Variants in IKBKE observed in about 807,000 individuals in gnomAD.
IKBKE encodes the protein inhibitor of nuclear factor kappa-B kinase subunit epsilon.
A neutral mutation model predicts 92.1 loss-of-function variants in IKBKE; 45 were observed. The ratio of observed to expected loss-of-function variants is 0.49; its 90% CI spans 0.38 to 0.63. The LOEUF is 0.63. IKBKE is among the 20% of genes least tolerant of loss of function. IKBKE has a pLI of 0.00. For missense variants in IKBKE, 700 were observed against 932.8 expected (o/e 0.75, Z 3.25); for synonymous variants, 374 against 380.3 (o/e 0.98, Z 0.19).
At position 206,478,287 on chromosome 1, in the gene IKBKE, T is replaced by C; in HGVS notation, c.940T>C (p.Phe314Leu). The C allele has an allele frequency of 6.2e-7, 1 of 1,614,124 alleles. No individual in the cohort carries two copies. The highest frequency in any genetic ancestry group is 8.5e-7 in the Non-Finnish European group (1 of 1,180,042). The change falls in exon 9 of 22, where the codon TTC becomes CTC. Residue 314 changes from phenylalanine to leucine, a missense_variant. Transcript: ENST00000581977. This position sits in a 1 kb window ranked among gnomAD's most constrained non-coding sequence, Gnocchi z 4.8. ...DILQRVVVHV[F>L]SLSQAVLHHI... ...CCTGCAGCGAGTTGTCGTCCATGTC[T>C]TCTCCCTGTCCCAGGCAGTCCTGCA...
chr1:206,476,323 T>C lies in IKBKE; in HGVS notation c.501T>C (p.Asp167=). 4.3e-6 allele frequency: 7 copies of C among 1,613,368 alleles called. No homozygotes were observed. The highest frequency in any genetic ancestry group is 1.1e-5 in the South Asian group (1 of 91,060). ...GCGCTGCCCGGGAGCTGGATGATGA[T>C]GAGAAGTTCGTCTCGGTCTATGGGA... ...DFGAARELDD[D]EKFVSVYGTE... The change falls in exon 6 of 22, where the codon GAT becomes GAC. Residue 167 remains aspartate (D), a synonymous_variant. Coordinates refer to ENST00000581977, the MANE Select transcript of IKBKE (RefSeq NM_014002.4). This position sits in a 1 kb window ranked among gnomAD's most constrained non-coding sequence, Gnocchi z 5.1.
Position 206,478,724 on chromosome 1 carries a change from T to A in IKBKE, c.993-219T>A, listed in dbSNP as rs1405640578. Reference sequence around the variant, plus strand: ...AGAGGCAAAGGCTGGGTATTAGGACTCCTGGGACCTGTTCCCACTCTGTCT... The same window carrying A: ...AGAGGCAAAGGCTGGGTATTAGGACACCTGGGACCTGTTCCCACTCTGTCT... On this transcript the variant is annotated intron_variant, in intron 9 of 21. Transcript: ENST00000581977. This position sits in a 1 kb window ranked among gnomAD's most constrained non-coding sequence, Gnocchi z 4.8. Among the ~76,000 whole-genome samples, 1 of 152,158 alleles carries A rather than the reference T, an allele frequency of 6.6e-6. No individual in the cohort carries two copies. The highest frequency in any genetic ancestry group is 1.5e-5 in the Non-Finnish European group (1 of 68,018).
intron 5 of IKBKE, chr1:206,475,242 A>C (rs1283871375): frequency 1.6e-5 from 8 of 490,830 alleles, no homozygotes; most frequent in Non-Finnish European, 2.8e-5. Flanking sequence ...ATTCAGTCTT[A>C]AAAGGAAAGA....
rs11117996 is a variant in IKBKE, at chr1:206,479,666, G to T, written c.1184-204G>T. 8.3e-3 allele frequency among the ~76,000 whole-genome samples: 1,271 copies of T among 152,346 alleles called. 17 individuals are homozygous for T. Among genetic ancestry groups the T allele is most frequent in the African/African-American group, 0.028 (1,176 of 41,576 alleles). ...TTCAGCTCTTGGACATGAGGAGGTA[G>T]TTCTCAAAAGTGGCCGCAAGGTGGC... On this transcript the variant is annotated intron_variant, in intron 10 of 21. Coordinates refer to ENST00000581977, the MANE Select transcript of IKBKE (RefSeq NM_014002.4).
Position 206,493,452 on chromosome 1 carries a change from G to A in IKBKE, c.2045+74G>A, listed in dbSNP as rs965150090. The A allele has an allele frequency of 1.7e-5, 19 of 1,149,508 alleles. 1 individual carries two copies. In the African/African-American group the frequency reaches 2.8e-4, roughly 17 times the overall value. The allele number at this position is 1,149,508 out of a possible 1,614,324, so 71.2% of individuals were successfully genotyped here. A position where few individuals can be genotyped will look rare whatever the true frequency, so the allele number is the denominator to read the frequency against. On this transcript the variant is annotated intron_variant, in intron 20 of 21. Transcript: ENST00000581977. The stretch of plus-strand genomic sequence containing the variant: ...CAGGGAGCAGAGTATGCTGAGGTTA[G>A]AGCCTGAGGGGTTTGGCGTCATGCC...
rs1407067666 is a variant in IKBKE at position 206,478,421 on chromosome 1, G to A, written c.992+82G>A. On this transcript the variant is annotated intron_variant, in intron 9 of 21. Coordinates refer to ENST00000581977, the MANE Select transcript of IKBKE (RefSeq NM_014002.4). This position sits in a 1 kb window ranked among gnomAD's most constrained non-coding sequence, Gnocchi z 4.8. Reference sequence around the variant, plus strand: ...CATGTCCAAAGCAGCATCTCCCACAGTACGTTCTGAGGAGTGTGTACATAG... The same window carrying A: ...CATGTCCAAAGCAGCATCTCCCACAATACGTTCTGAGGAGTGTGTACATAG... 7 of 1,388,694 alleles carry A rather than the reference G, an allele frequency of 5.0e-6. No individual in the cohort carries two copies. Among genetic ancestry groups the A allele is most frequent in the Non-Finnish European group, 7.0e-6 (7 of 994,004 alleles). The allele number at this position is 1,388,694 out of a possible 1,614,324, so 86.0% of individuals were successfully genotyped here. A position where few individuals can be genotyped will look rare whatever the true frequency, so the allele number is the denominator to read the frequency against.
rs782163104 is a variant in IKBKE, at chr1:206,478,317, A to G, written c.970A>G (p.Ile324Val). 6 of 1,613,682 alleles carry G rather than the reference A, an allele frequency of 3.7e-6. No individual in the cohort carries two copies. The highest frequency in any genetic ancestry group is 3.3e-5 in the South Asian group (3 of 91,086). Residue 324 changes from isoleucine to valine, a missense_variant, in exon 9 of 22, where the codon ATC (isoleucine) becomes GTC (valine). Physicochemically the swap from Ile to Val is conservative, Grantham distance 29 (BLOSUM62 3). Coordinates refer to ENST00000581977, the MANE Select transcript of IKBKE (RefSeq NM_014002.4). The surrounding 1 kb of genome is among the most constrained non-coding windows in gnomAD (Gnocchi z 4.8). Reference sequence around the variant, plus strand: ...CCTGTCCCAGGCAGTCCTGCACCACATCTATATCCATGCCCACAACACGTA... The same window carrying G: ...CCTGTCCCAGGCAGTCCTGCACCACGTCTATATCCATGCCCACAACACGTA... ...FSLSQAVLHHIYIHAHNTIAI... is the reference protein window; with the variant it reads ...FSLSQAVLHHVYIHAHNTIAI...
Position 206,491,741 on chromosome 1 carries a change from G to T in IKBKE, c.1827G>T (p.Lys609Asn). Residue 609 changes from lysine (K) to asparagine (N), a missense_variant, in exon 18 of 22, where the codon AAG becomes AAT. Transcript: ENST00000581977. ...AAGCGTCCTTAGTCACACACGGCAA[G>T]AGGATGAGGTAACAGCCCCTCCTGA... ...KYQASLVTHGKRMRVVHETRN... is the reference protein window; with the variant it reads ...KYQASLVTHGNRMRVVHETRN... The T allele has an allele frequency of 6.2e-7, 1 of 1,612,242 alleles. No individual in the cohort carries two copies. The highest frequency in any genetic ancestry group is 8.5e-7 in the Non-Finnish European group (1 of 1,178,688).
At chr1:206,482,131 T>G (rs1389670172) in intron 13 of IKBKE, among the ~76,000 whole-genome samples, 1 of 151,516 alleles carries the variant, frequency 6.6e-6, no homozygotes, top group Non-Finnish European at 1.5e-5. Flanking sequence ...GGCAGGAAGG[T>G]CTGCGCAGAG....
At position 206,480,756 on chromosome 1, in the gene IKBKE, C is replaced by T. The variant is rs547094987; in HGVS notation, c.1427+223C>T. Among the ~76,000 whole-genome samples, 10 of 152,318 alleles carry T rather than the reference C, an allele frequency of 6.6e-5. No homozygotes were observed. The South Asian group carries it at 2.1e-3, about 32-fold the overall frequency. ...AGTCCCTCACCTGCAGGGGAAGGGG[C>T]CCATGGGGGCACAGACTCTCCAGGT... On this transcript the variant is annotated intron_variant, in intron 13 of 21. Transcript: ENST00000581977.
Position 206,496,096 on chromosome 1 carries a change from G to C in IKBKE, c.2118-16G>C, listed in dbSNP as rs1330848639. On this transcript the variant is annotated splice_polypyrimidine_tract_variant and intron_variant, in intron 21 of 21. Coordinates refer to ENST00000581977, the MANE Select transcript of IKBKE (RefSeq NM_014002.4). The stretch of plus-strand genomic sequence containing the variant: ...TCCAACAGGTGGGCACTGCTAGCCT[G>C]TACCTTTTCTTGTAGGCTAAATAGA... 1.9e-6 allele frequency: 3 copies of C among 1,611,790 alleles called. No homozygotes were observed. Among genetic ancestry groups the C allele is most frequent in the South Asian group, 2.2e-5 (2 of 91,046 alleles).
Position 206,476,444 on chromosome 1 carries a change from G to A in IKBKE, c.540+82G>A. On this transcript the variant is annotated intron_variant, in intron 6 of 21. Coordinates refer to ENST00000581977, the MANE Select transcript of IKBKE (RefSeq NM_014002.4). The surrounding 1 kb of genome is among the most constrained non-coding windows in gnomAD (Gnocchi z 5.1). ...AGCCCCCCAGAGCCCCCATGAGGGG[G>A]TGTGGCCCACCTCCTGCTTCCACAG... The A allele has an allele frequency of 1.4e-6, 2 of 1,420,166 alleles. No homozygotes were observed. The highest frequency in any genetic ancestry group is 1.9e-6 in the Non-Finnish European group (2 of 1,029,580). 88.0% of individuals were successfully genotyped at this position (1,420,166 alleles called of 1,614,324 possible).
chr1:206,475,541 T>G (rs1471390760), intron 5 of IKBKE, among the ~76,000 whole-genome samples: 1 of 152,054 alleles, frequency 6.6e-6, no homozygotes, highest in Non-Finnish European at 1.5e-5. Flanking sequence ...TTGAGACCAG[T>G]CTGGCGAACA....
intron 5 of IKBKE, 29 bp downstream of exon 5, chr1:206,475,023 C>T (rs1553384917): frequency 1.2e-6 from 2 of 1,612,260 alleles, no homozygotes; most frequent in Non-Finnish European, 1.7e-6. Flanking sequence ...CTGCCTCCAC[C>T]CTCAGACCAG....
At chr1:206,493,482 C>T (rs570710331) in intron 20 of IKBKE, 104 bp downstream of exon 20, 17 of 831,938 alleles carry the variant, frequency 2.0e-5, no homozygotes, top group Non-Finnish European at 2.9e-5. Flanking sequence ...CATGCCAGGC[C>T]TAGGAGGCAA....
At chr1:206,474,691 T>C in intron 4 of IKBKE, 174 bp from the exon 5 acceptor site, 1 of 837,718 alleles carries the variant, frequency 1.2e-6, no homozygotes, top group African/African-American at 1.7e-5. Context: ...CTTCCTGGAA[T>C]AACTGACTTT....
Position 206,478,185 on chromosome 1 carries a change from A to C in IKBKE, c.838A>C (p.Ile280Leu). 6.2e-7 allele frequency: 1 copy of C among 1,614,060 alleles called. No individual in the cohort carries two copies. Among genetic ancestry groups the C allele is most frequent in the East Asian group, 2.2e-5 (1 of 44,892 alleles). The change falls in exon 9 of 22, where the codon ATC becomes CTC. Residue 280 changes from isoleucine (I) to leucine (L), a missense_variant. Physicochemically the swap from Ile to Leu is conservative, Grantham distance 5. Transcript: ENST00000581977. This position sits in a 1 kb window ranked among gnomAD's most constrained non-coding sequence, Gnocchi z 4.8. Reference protein sequence around the residue: ...SLGLQSQLVPILANILEVEQA... With the variant: ...SLGLQSQLVPLLANILEVEQA... ...GGGGCTGCAGAGCCAGCTGGTGCCCATCCTGGCCAACATCCTGGAGGTGGA... is the reference window on the plus strand; with the variant it reads ...GGGGCTGCAGAGCCAGCTGGTGCCCCTCCTGGCCAACATCCTGGAGGTGGA...
chr1:206,495,892 A>T (rs1458322239), intron 21 of IKBKE, among the ~76,000 whole-genome samples: 4 of 152,202 alleles, frequency 2.6e-5, no homozygotes, highest in Non-Finnish European at 5.9e-5. Context: ...CTCTGGGTAC[A>T]GCTTGTGGTT....
At chr1:206,492,674 C>A in intron 18 of IKBKE, 1 of 508,908 alleles carries the variant, frequency 2.0e-6, no homozygotes, top group South Asian at 1.5e-5. Flanking sequence ...TGGGCAGTTC[C>A]CCACACTGAG....
Sources: gnomAD v4.1 joint callset for allele counts (sites outside exome capture counted in the v4.1 genomes callset) on GRCh38, gnomAD v4.1.1 for gene constraint, Gnocchi (gnomAD v3.1) non-coding constraint, MANE v1.5 for transcripts, NCBI Gene and HGNC (gene_info 2026-07-23, HGNC 2026-07-21) for gene names.